The following SGCD variants were observed in gnomAD, a reference collection of about 807,000 sequenced individuals.
SGCD encodes sarcoglycan delta, also known as delta-sarcoglycan.
Under a neutral mutation model 36.6 loss-of-function variants are expected in SGCD, and 18 were observed. The ratio of observed to expected loss-of-function variants is 0.49; its 90% confidence interval spans 0.34 to 0.73. SGCD has a LOEUF of 0.73. SGCD is among the 30% of genes least tolerant of loss of function. The pLI is 0.01. For missense variants in SGCD, 387 were observed against 346.7 expected, an observed-to-expected ratio of 1.12 and a Z score of -0.92; for synonymous variants, 133 against 130.6, an observed-to-expected ratio of 1.02 and a Z score of -0.12.
chr5:156,351,219 A>C (rs1306945943), intron 3 of SGCD, among the ~76,000 whole-genome samples: 1 of 152,196 alleles, frequency 6.6e-6, no homozygotes, highest in African/African-American at 2.4e-5. Context: ...TGATGTGTTA[A>C]CATAAGCATT....
intron 3 of SGCD, among the ~76,000 whole-genome samples, chr5:156,132,079 C>T (rs2127606576): frequency 6.6e-6 from 1 of 152,240 alleles, no homozygotes; most frequent in African/African-American, 2.4e-5. Flanking sequence ...AGTAGAAAAT[C>T]TCTATGCACC....
At chr5:156,750,332 C>G (rs1395916246) in intron 7 of SGCD, among the ~76,000 whole-genome samples, 1 of 151,998 alleles carries the variant, frequency 6.6e-6, no homozygotes, top group Non-Finnish European at 1.5e-5. Flanking sequence ...TTCTTTACTT[C>G]TAATCAACAC....
chr5:156,336,930 G>T (rs948610782), intron 2 of SGCD, among the ~76,000 whole-genome samples: 2 of 152,178 alleles, frequency 1.3e-5, no homozygotes, highest in Non-Finnish European at 2.9e-5. Flanking sequence ...AAAAGAAACT[G>T]CCATTCCTGG....
intron 3 of SGCD, among the ~76,000 whole-genome samples, chr5:156,312,147 G>A (rs1212379231): frequency 6.6e-6 from 1 of 152,170 alleles, no homozygotes; most frequent in Admixed American, 6.5e-5. Flanking sequence ...ATGTAGGTTA[G>A]GTGGTTTTAT....
chr5:156,359,260 T>C (rs1323292248), intron 3 of SGCD, among the ~76,000 whole-genome samples: 1 of 152,218 alleles, frequency 6.6e-6, no homozygotes, highest in African/African-American at 2.4e-5. Flanking sequence ...TCTTTTGCTT[T>C]CTTCATTGGC....
chr5:155,842,113 T>A, the SGCD span, among the ~76,000 whole-genome samples: 1 of 151,770 alleles, frequency 6.6e-6, no homozygotes, highest in African/African-American at 2.4e-5. Flanking sequence ...AGAGGAAAGA[T>A]AGGGGAAGAA....
At chr5:156,043,681 A>G (rs566466518) in intron 1 of SGCD, among the ~76,000 whole-genome samples, 1 of 152,324 alleles carries the variant, frequency 6.6e-6, no homozygotes, top group East Asian at 1.9e-4. Context: ...ACTGGAAGGA[A>G]GAGATTTCTT....
chr5:156,110,935 A>G (rs1175046630), intron 1 of SGCD, among the ~76,000 whole-genome samples: 1 of 152,172 alleles, frequency 6.6e-6, no homozygotes, highest in African/African-American at 2.4e-5. Flanking sequence ...ATGTGTTGTG[A>G]AGTGTCTGAG....
intron 3 of SGCD, among the ~76,000 whole-genome samples, chr5:156,241,382 T>C (rs563613234): frequency 2.0e-5 from 3 of 152,150 alleles, no homozygotes; most frequent in African/African-American, 7.2e-5. Context: ...TTAATTCCAG[T>C]ATTAGAGAAT....
chr5:155,989,084 G>A (rs11749818), intron 1 of SGCD, among the ~76,000 whole-genome samples: 33,566 of 152,068 alleles, frequency 0.22, 4,556 homozygotes, highest in South Asian at 0.37. Flanking sequence ...CAATTTTGTT[G>A]ATTAATTAAT....
intron 3 of SGCD, among the ~76,000 whole-genome samples, chr5:156,364,488 A>G (rs186845181): frequency 6.0e-4 from 92 of 152,322 alleles, no homozygotes; most frequent in African/African-American, 2.1e-3. Flanking sequence ...ACAATTGCAT[A>G]AATTGAAAAA....
chr5:156,329,492 G>T (rs938833733), intron 1 of SGCD, 42 bp from the exon 2 acceptor site: 11 of 1,365,652 alleles, frequency 8.1e-6, no homozygotes, highest in African/African-American at 1.4e-5. Flanking sequence ...GAGGGGGCAG[G>T]CTCTTCAGAC....
At chr5:155,933,902 T>G (rs1757146011) in intron 1 of SGCD, among the ~76,000 whole-genome samples, 1 of 152,210 alleles carries the variant, frequency 6.6e-6, no homozygotes, top group South Asian at 2.1e-4. Flanking sequence ...ACAGAACCTG[T>G]GTGAAACACC....
intron 1 of SGCD, among the ~76,000 whole-genome samples, chr5:156,047,741 G>A (rs1178614240): frequency 2.0e-5 from 3 of 152,038 alleles, no homozygotes; most frequent in African/African-American, 7.2e-5. Flanking sequence ...AATGAATATT[G>A]TTTTCTTGCC....
At chr5:156,705,194 C>T (rs157338) in intron 7 of SGCD, among the ~76,000 whole-genome samples, 117,094 of 152,104 alleles carry the variant, frequency 0.77, 46,109 homozygotes, top group Admixed American at 0.86. Context: ...ATTTATAAAT[C>T]GAGACATCTT....
At chr5:156,315,120 T>C (rs1311285531) in intron 3 of SGCD, among the ~76,000 whole-genome samples, 1 of 151,986 alleles carries the variant, frequency 6.6e-6, no homozygotes, top group Non-Finnish European at 1.5e-5. Flanking sequence ...TTATTATTAA[T>C]TACAGTTACC....
the SGCD span, among the ~76,000 whole-genome samples, chr5:155,800,780 G>T: frequency 7.9e-5 from 12 of 151,876 alleles, no homozygotes; most frequent in Non-Finnish European, 1.8e-4. Flanking sequence ...TTCTCCATTT[G>T]TTCCCTTTTC....
chr5:156,286,768 A>G (rs991055324), intron 3 of SGCD, among the ~76,000 whole-genome samples: 3 of 152,108 alleles, frequency 2.0e-5, no homozygotes, highest in African/African-American at 4.8e-5. Flanking sequence ...GCACATGTAT[A>G]CATATGTAAC....
At chr5:156,077,568 G>A (rs1561709701) in intron 1 of SGCD, among the ~76,000 whole-genome samples, 1 of 152,124 alleles carries the variant, frequency 6.6e-6, no homozygotes, top group Non-Finnish European at 1.5e-5. Flanking sequence ...TTTCTCTGTT[G>A]TGGAGTTTTC....
Sources: gnomAD v4.1 joint callset for allele counts (sites outside exome capture counted in the v4.1 genomes callset) on GRCh38, gnomAD v4.1.1 for gene constraint, MANE v1.5 for transcripts, NCBI Gene and HGNC (gene_info 2026-07-23, HGNC 2026-07-21) for gene names.